The following PEAK1 variants were observed in gnomAD, a reference collection of about 807,000 sequenced individuals.
The protein encoded by PEAK1 is pseudopodium enriched atypical kinase 1.
A neutral mutation model predicts 124.7 loss-of-function variants in PEAK1; 54 were observed. That is an observed-to-expected ratio of 0.43 (90% confidence interval 0.35 to 0.54). PEAK1 has a LOEUF of 0.54. PEAK1 is among the 20% of genes least tolerant of loss of function. The pLI is 0.01. For synonymous variants in PEAK1, 719 were observed against 760.0 expected (o/e 0.95, Z 0.89); for missense variants, 2,046 against 2,134.5 (o/e 0.96, Z 0.82).
intron 1 of PEAK1, among the ~76,000 whole-genome samples, chr15:77,368,609 TAGAA>T (rs1567315777): frequency 6.6e-6 from 1 of 151,530 alleles, no homozygotes; most frequent in Non-Finnish European, 1.5e-5. Flanking sequence ...AAATGAAACA[TAGAA>T]AGCAATAAGT....
At chr15:77,358,090 C>T (rs767563786) in intron 2 of PEAK1, among the ~76,000 whole-genome samples, 3 of 152,144 alleles carry the variant, frequency 2.0e-5, no homozygotes, top group Admixed American at 1.3e-4. Context: ...AAGCCATTCC[C>T]GGCAAATCTT....
Position 77,284,078 on chromosome 15 carries a change from T to C in PEAK1, c.-422-48A>G, listed in dbSNP as rs561952265. The C allele has an allele frequency of 5.2e-6, 5 of 962,228 alleles. No homozygotes were observed. The African/African-American group carries it at 8.8e-5, about 17-fold the overall frequency. 59.6% of individuals were successfully genotyped at this position (962,228 alleles called of 1,614,324 possible). A position where few individuals can be genotyped will look rare whatever the true frequency, so the allele number is the denominator to read the frequency against. The stretch of plus-strand genomic sequence containing the variant: ...ACTTGGTTGAGAGTCACAGAGTCAC[T>C]TAGTCTAGCCCAGCTATATGACCAA... On this transcript the variant is annotated intron_variant, in intron 4 of 9. Coordinates refer to ENST00000682557, the MANE Select transcript of PEAK1 (RefSeq NM_001385026.1).
At chr15:77,148,588 CTT>C (rs1186879563) in intron 8 of PEAK1, among the ~76,000 whole-genome samples, 1 of 152,082 alleles carries the variant, frequency 6.6e-6, no homozygotes, top group African/African-American at 2.4e-5. Flanking sequence ...ATCCGTTCCA[CTT>C]TACATTTTCT....
chr15:77,251,519 A>C (rs2060881202), intron 6 of PEAK1, among the ~76,000 whole-genome samples: 1 of 152,238 alleles, frequency 6.6e-6, no homozygotes. Flanking sequence ...AAGGAAAATA[A>C]AACAAGAAAT....
At position 77,247,485 on chromosome 15, in the gene PEAK1, C is replaced by CTTTTTTTTTT. The variant is rs398028029; in HGVS notation, c.-115+4872_-115+4881dup. On this transcript the variant is annotated intron_variant, in intron 6 of 9. Coordinates refer to ENST00000682557, the MANE Select transcript of PEAK1 (RefSeq NM_001385026.1). ...TTTTTTCTCTTTTTTCTTTTCTTTT[C>CTTTTTTTTTT]TTTTTTTTTTTTTTTTTTTTTGAGA... is the stretch of plus-strand genomic sequence containing the variant. 1.1e-3 allele frequency among the ~76,000 whole-genome samples: 94 copies of CTTTTTTTTTT among 84,296 alleles called. 2 individuals are homozygous for CTTTTTTTTTT. Among genetic ancestry groups the CTTTTTTTTTT allele is most frequent in the African/African-American group, 2.1e-3 (45 of 21,118 alleles). The allele number at this position is 84,296 out of a possible 152,430, so 55.3% of individuals were successfully genotyped here. A position where few individuals can be genotyped will look rare whatever the true frequency, so the allele number is the denominator to read the frequency against.
At chr15:77,164,318 A>G (rs2055914051) in intron 7 of PEAK1, among the ~76,000 whole-genome samples, 1 of 152,172 alleles carries the variant, frequency 6.6e-6, no homozygotes, top group Non-Finnish European at 1.5e-5. Context: ...ATTAACCTTT[A>G]TCTGATATCT....
exon 7 of PEAK1, chr15:77,102,066 A>C (rs924471824): frequency 6.6e-6 from 1 of 152,236 alleles, no homozygotes; most frequent in Non-Finnish European, 1.5e-5. Flanking sequence ...GGTCATTTCT[A>C]GATGGTGACC....
chr15:77,130,504 G>A (rs2052765315), intron 9 of PEAK1, among the ~76,000 whole-genome samples: 1 of 152,012 alleles, frequency 6.6e-6, no homozygotes, highest in African/African-American at 2.4e-5. Context: ...AACTGCAGAG[G>A]GTAGCTAGCT....
intron 1 of PEAK1, among the ~76,000 whole-genome samples, chr15:77,407,942 T>C (rs868429681): frequency 2.1e-4 from 17 of 81,570 alleles, no homozygotes; most frequent in Middle Eastern, 7.7e-3. Flanking sequence ...CACACATATA[T>C]ACACATATAC....
intron 2 of PEAK1, chr15:77,337,318 T>C: frequency 8.2e-6 from 8 of 979,298 alleles, no homozygotes; most frequent in Non-Finnish European, 9.7e-6. Context: ...CCAGGAATGG[T>C]ATTTCATTTA....
rs761581981 is a variant in PEAK1 at position 77,203,868 on chromosome 15, A to G, written c.-114-21828T>C. 2.6e-5 allele frequency among the ~76,000 whole-genome samples: 4 copies of G among 152,196 alleles called. 1 individual carries two copies. Among genetic ancestry groups the G allele is most frequent in the Non-Finnish European group, 5.9e-5 (4 of 68,032 alleles). ...ATGGTGAGTTTAGTGATGACTTTTT[A>G]GATTTGACACCAAAGGCATGATCCT... On this transcript the variant is annotated intron_variant, in intron 6 of 9. Coordinates refer to ENST00000682557, the MANE Select transcript of PEAK1 (RefSeq NM_001385026.1).
intron 2 of PEAK1, chr15:77,335,400 G>C (rs192775996): frequency 1.4e-5 from 14 of 985,226 alleles, no homozygotes; most frequent in Middle Eastern, 5.2e-4. Context: ...AATTTAGATG[G>C]GTGAAGATAG....
At chr15:77,383,389 A>G (rs2069649782) in intron 1 of PEAK1, among the ~76,000 whole-genome samples, 1 of 152,204 alleles carries the variant, frequency 6.6e-6, no homozygotes. Flanking sequence ...CTGCCTTGAG[A>G]AGAAACATCA....
chr15:77,374,122 C>T (rs1370433048), intron 1 of PEAK1, among the ~76,000 whole-genome samples: 6 of 152,136 alleles, frequency 3.9e-5, no homozygotes, highest in African/African-American at 9.7e-5. Flanking sequence ...CATAACATAT[C>T]ACAAACAGTG....
chr15:77,348,112 C>G (rs886991825), intron 2 of PEAK1: 24 of 978,474 alleles, frequency 2.5e-5, no homozygotes, highest in Non-Finnish European at 2.9e-5. Flanking sequence ...AAGAAAGAAA[C>G]AACAATGGAG....
At chr15:77,261,177 CAG>C (rs1391108213) in intron 5 of PEAK1, among the ~76,000 whole-genome samples, 1 of 152,146 alleles carries the variant, frequency 6.6e-6, no homozygotes, top group East Asian at 1.9e-4. Flanking sequence ...GGGGAAAAAA[CAG>C]AGCAGAAACA....
chr15:77,226,958 AGCTCCAGAG>A (rs1189285532), intron 6 of PEAK1, among the ~76,000 whole-genome samples: 1 of 152,194 alleles, frequency 6.6e-6, no homozygotes, highest in Non-Finnish European at 1.5e-5. Flanking sequence ...AGATCTATCT[AGCTCCAGAG>A]TCTACAATTC....
intron 9 of PEAK1, among the ~76,000 whole-genome samples, chr15:77,131,469 G>C (rs911153612): frequency 6.6e-6 from 1 of 151,872 alleles, no homozygotes; most frequent in Non-Finnish European, 1.5e-5. Context: ...CTCCAGCCTG[G>C]CAACAGAGTG....
At chr15:77,278,562 C>G in intron 5 of PEAK1, 2 of 496,430 alleles carry the variant, frequency 4.0e-6, no homozygotes, top group South Asian at 1.5e-5. Context: ...ACTAAACCTG[C>G]TCCTCCAAAG....
Sources: gnomAD v4.1 joint callset for allele counts (sites outside exome capture counted in the v4.1 genomes callset) on GRCh38, gnomAD v4.1.1 for gene constraint, MANE v1.5 for transcripts, NCBI Gene and HGNC (gene_info 2026-07-23, HGNC 2026-07-21) for gene names.